NOP58: variants seen among roughly 807,000 people sequenced by gnomAD.
NOP58 encodes NOP58 ribonucleoprotein, also known as nucleolar protein 58.
Under a neutral mutation model 71.2 loss-of-function variants are expected in NOP58, and 44 were observed. That is an observed-to-expected ratio of 0.62 (90% CI 0.49 to 0.79). The LOEUF is 0.79. NOP58 is among the 30% of genes least tolerant of loss of function. The pLI, the probability that NOP58 is intolerant of heterozygous loss-of-function variation, is 0.00. For synonymous variants in NOP58, 228 were observed against 200.3 expected, an observed-to-expected ratio of 1.14 and a Z score of -1.17; for missense variants, 538 against 620.2, an observed-to-expected ratio of 0.87 and a Z score of 1.41.
At chr2:202,288,913 G>A (rs1358369804) in intron 6 of NOP58, among the ~76,000 whole-genome samples, 1 of 152,058 alleles carries the variant, frequency 6.6e-6, no homozygotes, top group East Asian at 1.9e-4. Context: ...GAGCTCGGGA[G>A]TTTGAGAGCA....
At chr2:202,284,603 T>G in intron 5 of NOP58, 122 bp downstream of exon 5, 6,806 of 644,904 alleles carry the variant, frequency 0.011, no homozygotes, top group Non-Finnish European at 0.015. Context: ...AAGAAGATGA[T>G]AGTAATATCC....
intron 1 of NOP58, among the ~76,000 whole-genome samples, chr2:202,274,747 G>A (rs1478795668): frequency 1.3e-5 from 2 of 151,954 alleles, no homozygotes; most frequent in Non-Finnish European, 2.9e-5. Flanking sequence ...GGGCTACAGA[G>A]CGAGACTCCA....
intron 3 of NOP58, 154 bp downstream of exon 3, chr2:202,278,156 C>A: frequency 1.4e-6 from 1 of 733,896 alleles, no homozygotes; most frequent in Non-Finnish European, 2.6e-6. Flanking sequence ...TTTAAGTGAT[C>A]TGACTCATTC....
intron 1 of NOP58, among the ~76,000 whole-genome samples, chr2:202,272,873 G>A (rs1283620401): frequency 6.6e-6 from 1 of 152,152 alleles, no homozygotes; most frequent in Non-Finnish European, 1.5e-5. Flanking sequence ...GGTGGCTCAC[G>A]CCTGTAATCC....
chr2:202,277,993 G>A lies in NOP58; in HGVS notation c.166G>A (p.Ala56Thr). The stretch of plus-strand genomic sequence containing the variant: ...TGAGAAATTTCAGGATACAGCAGAA[G>A]CATTAGCAGGTAAAGTAAAAAATTA... Reference protein sequence around the residue: ...HFEKFQDTAEALAAFTALMEG... With the variant: ...HFEKFQDTAETLAAFTALMEG... The change falls in exon 3 of 15, where the codon GCA (alanine) becomes ACA (threonine). Residue 56 changes from alanine (A) to threonine (T), a missense_variant. Physicochemically the swap from Ala to Thr is moderately conservative, Grantham distance 58. Coordinates refer to ENST00000264279, the MANE Select transcript of NOP58 (RefSeq NM_015934.5). The A allele has an allele frequency of 6.5e-7, 1 of 1,549,672 alleles. No individual in the cohort carries two copies. The highest frequency in any genetic ancestry group is 8.9e-7 in the Non-Finnish European group (1 of 1,129,098).
Position 202,294,703 on chromosome 2 carries a change from G to A in NOP58, c.908-971G>A, listed in dbSNP as rs149634979. ...AGCAGGGCCGGGTGTGGTGGCTTACGCCTGTAATCCCAGCACTTTGGGAAG... is the reference window on the plus strand; with the variant it reads ...AGCAGGGCCGGGTGTGGTGGCTTACACCTGTAATCCCAGCACTTTGGGAAG... On this transcript the variant is annotated intron_variant, in intron 9 of 14. Transcript: ENST00000264279. Among the ~76,000 whole-genome samples, 90 of 152,248 alleles carry A rather than the reference G, an allele frequency of 5.9e-4. 1 individual carries two copies. In the East Asian group the frequency reaches 0.012, roughly 20 times the overall value.
At chr2:202,286,751 C>T (rs1185178952) in intron 5 of NOP58, among the ~76,000 whole-genome samples, 2 of 152,002 alleles carry the variant, frequency 1.3e-5, no homozygotes, top group African/African-American at 2.4e-5. Flanking sequence ...ATCAGATGTC[C>T]CCCCAGTAGG....
At chr2:202,294,375 CTT>C (rs1688955262) in intron 9 of NOP58, among the ~76,000 whole-genome samples, 1 of 149,706 alleles carries the variant, frequency 6.7e-6, no homozygotes, top group Non-Finnish European at 1.5e-5. Context: ...ATTTGTTACA[CTT>C]TTAAAACTAT....
Position 202,303,595 on chromosome 2 carries a change from C to A in NOP58, c.*159C>A. ...AAACCTATTTGTCTTGACATCAACTCTGTTAACCTTATGTCATCATTTCTT... is the reference window on the plus strand; with the variant it reads ...AAACCTATTTGTCTTGACATCAACTATGTTAACCTTATGTCATCATTTCTT... On this transcript the variant is annotated 3_prime_UTR_variant, in exon 15 of 15. Coordinates refer to ENST00000264279, the MANE Select transcript of NOP58 (RefSeq NM_015934.5). 1.2e-6 allele frequency: 1 copy of A among 833,828 alleles called. No individual in the cohort carries two copies. Among genetic ancestry groups the A allele is most frequent in the Non-Finnish European group, 1.7e-6 (1 of 577,958 alleles). 51.7% of individuals were successfully genotyped at this position (833,828 alleles called of 1,614,324 possible). A position where few individuals can be genotyped will look rare whatever the true frequency, so the allele number is the denominator to read the frequency against.
chr2:202,295,646 C>G (rs1441365856), intron 9 of NOP58, 28 bp from the exon 10 acceptor site: 5 of 1,519,040 alleles, frequency 3.3e-6, no homozygotes, highest in African/African-American at 2.8e-5. Context: ...TTTGGAGGTG[C>G]ATTCTTTGTA....
At chr2:202,300,795 T>C (rs1332619035) in intron 13 of NOP58, among the ~76,000 whole-genome samples, 2 of 152,228 alleles carry the variant, frequency 1.3e-5, no homozygotes, top group Non-Finnish European at 2.9e-5. Context: ...CCTGCCGTCA[T>C]AGTTACAATA....
chr2:202,294,567 G>T (rs1336927633), intron 9 of NOP58, among the ~76,000 whole-genome samples: 2 of 152,100 alleles, frequency 1.3e-5, no homozygotes, highest in African/African-American at 2.4e-5. Flanking sequence ...ATCCTATACT[G>T]TATATGCTGT....
chr2:202,269,035 G>A (rs942864547), intron 1 of NOP58, among the ~76,000 whole-genome samples: 1 of 152,080 alleles, frequency 6.6e-6, no homozygotes, highest in Non-Finnish European at 1.5e-5. Flanking sequence ...TGTCACCCAG[G>A]CTGGGGTGCA....
intron 5 of NOP58, 133 bp from the exon 6 acceptor site, chr2:202,287,527 T>G (rs1224030920): frequency 1.3e-5 from 8 of 623,134 alleles, no homozygotes; most frequent in Non-Finnish European, 2.2e-5. Context: ...TTTTTCTTCT[T>G]AGAAAAACCA....
intron 1 of NOP58, among the ~76,000 whole-genome samples, chr2:202,267,288 A>G (rs1218909129): frequency 1.3e-5 from 2 of 152,200 alleles, no homozygotes; most frequent in Non-Finnish European, 2.9e-5. Context: ...CCAAAAAACC[A>G]TTTGTGGTGT....
chr2:202,284,340 T>C lies in NOP58; in HGVS notation c.298-5T>C, dbSNP rs773686400. The C allele has an allele frequency of 2.5e-6, 4 of 1,592,222 alleles. No homozygotes were observed. The East Asian group carries it at 6.7e-5, about 27-fold the overall frequency. ...AATTTAATATAGATGTTCATGTTCT[T>C]GTAGGAAAAGCTGAATCTCAGTTGT... On this transcript the variant is annotated splice_region_variant and splice_polypyrimidine_tract_variant and intron_variant, in intron 4 of 14. Transcript: ENST00000264279.
In NOP58 at chr2:202,291,230, C is replaced by T. The variant is rs1426212263; in HGVS notation, c.740C>T (p.Ser247Leu). The T allele has an allele frequency of 6.2e-7, 1 of 1,609,922 alleles. No individual in the cohort carries two copies. Among genetic ancestry groups the T allele is most frequent in the South Asian group, 1.1e-5 (1 of 89,844 alleles). The change falls in exon 8 of 15, where the codon TCA becomes TTA. Residue 247 changes from serine to leucine, a missense_variant. Physicochemically the swap from Ser to Leu is moderately radical, Grantham distance 145. Coordinates refer to ENST00000264279, the MANE Select transcript of NOP58 (RefSeq NM_015934.5). ...GAGATATCAATGGGAACAGAGGTTTCAGAAGAAGATATTTGCAATATTCTG... is the reference window on the plus strand; with the variant it reads ...GAGATATCAATGGGAACAGAGGTTTTAGAAGAAGATATTTGCAATATTCTG... ...AAEISMGTEV[S>L]EEDICNILHL...
chr2:202,303,017 C>T lies in NOP58; in HGVS notation c.1499C>T (p.Pro500Leu), dbSNP rs772943647. The T allele has an allele frequency of 3.1e-6, 5 of 1,612,544 alleles. No individual in the cohort carries two copies. Among genetic ancestry groups the T allele is most frequent in the Non-Finnish European group, 4.2e-6 (5 of 1,179,830 alleles). Residue 500 changes from proline (P) to leucine (L), a missense_variant, in exon 14 of 15, where the codon CCA (proline) becomes CTA (leucine). Coordinates refer to ENST00000264279, the MANE Select transcript of NOP58 (RefSeq NM_015934.5). ...AAAAAGAAACACATTAAGGAAGAACCACTTTCTGAGGAAGAACCATGTACC... is the reference window on the plus strand; with the variant it reads ...AAAAAGAAACACATTAAGGAAGAACTACTTTCTGAGGAAGAACCATGTACC... ...RGKKKHIKEE[P>L]LSEEEPCTST...
chr2:202,285,322 A>C (rs1374589053), intron 5 of NOP58, among the ~76,000 whole-genome samples: 1 of 146,404 alleles, frequency 6.8e-6, no homozygotes, highest in East Asian at 2.0e-4. Flanking sequence ...GATTATAGGC[A>C]TGAGCCACCA....
Sources: allele counts gnomAD v4.1 joint callset (sites outside exome capture counted in the v4.1 genomes callset), GRCh38; gene constraint gnomAD v4.1.1; transcripts MANE v1.5; gene names NCBI Gene and HGNC (gene_info 2026-07-23, HGNC 2026-07-21).